MAGI2: variants seen among roughly 807,000 people sequenced by gnomAD.
MAGI2 encodes membrane associated guanylate kinase, WW and PDZ domain containing 2.
In MAGI2, 35 loss-of-function variants were observed where a neutral mutation model predicts 133.3. That is an observed-to-expected ratio of 0.26 (90% confidence interval 0.20 to 0.35). MAGI2 has a LOEUF of 0.35. MAGI2 is among the 10% of genes least tolerant of loss of function. The probability of loss-of-function intolerance (pLI) is 1.00; values close to 1 mark genes in which losing one functional copy is unlikely to be tolerated. For synonymous variants in MAGI2, 729 were observed against 710.6 expected (o/e 1.03, Z -0.41); for missense variants, 1,636 against 1,863.4 (o/e 0.88, Z 2.25).
intron 2 of MAGI2, among the ~76,000 whole-genome samples, chr7:78,661,045 G>A (rs1496785): frequency 1.3e-5 from 2 of 151,922 alleles, no homozygotes; most frequent in African/African-American, 4.8e-5. Flanking sequence ...TCTACTTCTT[G>A]GTATCACTCA....
At chr7:79,186,228 ATATATATATATATATTTATATTTATT>A (rs1827113382) in intron 1 of MAGI2, among the ~76,000 whole-genome samples, 1 of 114,428 alleles carries the variant, frequency 8.7e-6, no homozygotes, top group South Asian at 3.0e-4. Context: ...ATATATATAT[ATATATATATATATATTTATATTTATT>A]TATTTATAAA....
At chr7:78,438,845 A>G (rs572953716) in intron 6 of MAGI2, among the ~76,000 whole-genome samples, 1 of 152,306 alleles carries the variant, frequency 6.6e-6, no homozygotes, top group South Asian at 2.1e-4. Context: ...GGAAAATGGC[A>G]TAATTAACGG....
intron 6 of MAGI2, among the ~76,000 whole-genome samples, chr7:78,389,285 T>C (rs752400398): frequency 6.6e-6 from 1 of 152,108 alleles, no homozygotes; most frequent in Admixed American, 6.6e-5. Context: ...AGGCGCTCCA[T>C]GGGAGGCAAA....
intron 2 of MAGI2, among the ~76,000 whole-genome samples, chr7:78,700,162 T>C (rs1250414084): frequency 6.6e-6 from 1 of 152,190 alleles, no homozygotes. Flanking sequence ...ATGAGGTTGA[T>C]AGAACAGTTT....
intron 2 of MAGI2, among the ~76,000 whole-genome samples, chr7:78,955,528 T>C (rs1802228341): frequency 6.6e-6 from 1 of 152,116 alleles, no homozygotes; most frequent in Admixed American, 6.6e-5. Flanking sequence ...CCTTCTTTGG[T>C]GAAAACATCT....
intron 12 of MAGI2, among the ~76,000 whole-genome samples, chr7:78,186,319 C>T (rs1827692664): frequency 6.6e-6 from 1 of 152,112 alleles, no homozygotes; most frequent in South Asian, 2.1e-4. Flanking sequence ...ATTTAGAATT[C>T]TAGAACCTAG....
intron 2 of MAGI2, among the ~76,000 whole-genome samples, chr7:78,785,099 A>G (rs1826706010): frequency 6.6e-6 from 1 of 152,210 alleles, no homozygotes. Context: ...AAAATGAACA[A>G]AATTCAAACG....
chr7:79,013,830 C>G (rs1034300231), intron 1 of MAGI2, among the ~76,000 whole-genome samples: 2 of 152,118 alleles, frequency 1.3e-5, no homozygotes, highest in Non-Finnish European at 2.9e-5. Context: ...TAATAATTCC[C>G]AATTTGCCTA....
At chr7:78,421,812 C>A (rs113116196) in intron 6 of MAGI2, among the ~76,000 whole-genome samples, 1,691 of 152,130 alleles carry the variant, frequency 0.011, 32 homozygotes, top group African/African-American at 0.037. Flanking sequence ...CTCAAAACAA[C>A]AAAAACATAA....
At chr7:78,637,485 G>C (rs532507827) in intron 2 of MAGI2, among the ~76,000 whole-genome samples, 15 of 151,336 alleles carry the variant, frequency 9.9e-5, no homozygotes, top group African/African-American at 3.6e-4. Flanking sequence ...AAAAACTATG[G>C]TGGATGTCAA....
At chr7:78,324,220 A>C (rs978235827) in intron 9 of MAGI2, among the ~76,000 whole-genome samples, 2 of 117,018 alleles carry the variant, frequency 1.7e-5, no homozygotes, top group Non-Finnish European at 4.0e-5. Context: ...TACACTTTAG[A>C]AGCCTGACTG....
chr7:79,042,876 C>A (rs979892909), intron 1 of MAGI2, among the ~76,000 whole-genome samples: 3 of 152,064 alleles, frequency 2.0e-5, no homozygotes, highest in South Asian at 4.1e-4. Flanking sequence ...AAAACCATAT[C>A]AACCATGCTC....
chr7:78,644,973 G>A (rs1478668394), intron 2 of MAGI2, among the ~76,000 whole-genome samples: 4 of 152,010 alleles, frequency 2.6e-5, no homozygotes, highest in South Asian at 2.1e-4. Context: ...GGATATTAAT[G>A]GTATATTATA....
Position 78,075,376 on chromosome 7 carries a change from C to CTT in MAGI2, c.3706+3569_3706+3570dup, listed in dbSNP as rs34396344. ...TTTTCACTATATTGATGTAATAAAT[C>CTT]TTTTTTTTTTTTTTTTTTGAGACGG... On this transcript the variant is annotated intron_variant, in intron 21 of 21. Coordinates refer to ENST00000354212, the MANE Select transcript of MAGI2 (RefSeq NM_012301.4). Among the ~76,000 whole-genome samples the CTT allele has an allele frequency of 3.3e-3, 420 of 126,482 alleles. 10 individuals carry two copies. The highest frequency in any genetic ancestry group is 7.6e-3 in the African/African-American group (242 of 31,864). The allele number at this position is 126,482 out of a possible 152,430, so 83.0% of individuals were successfully genotyped here.
chr7:78,261,026 C>T (rs917955733), intron 9 of MAGI2, among the ~76,000 whole-genome samples: 23 of 152,156 alleles, frequency 1.5e-4, no homozygotes, highest in African/African-American at 5.5e-4. Flanking sequence ...GTCACTGTGG[C>T]CTACAGAATC....
rs75788845 is a variant in MAGI2 at position 78,096,229 on chromosome 7, T to C, written c.3568-17144A>G. Among the ~76,000 whole-genome samples the C allele has an allele frequency of 2.9e-3, 441 of 152,342 alleles. 1 individual carries two copies. Among genetic ancestry groups the C allele is most frequent in the African/African-American group, 0.01 (421 of 41,580 alleles). On this transcript the variant is annotated intron_variant, in intron 20 of 21. Transcript: ENST00000354212. ...GCAATGTTATTAAGAGCACGGGCTTTGGTGGAATCAGGAGTCCTTGGTTTG... is the reference window on the plus strand; with the variant it reads ...GCAATGTTATTAAGAGCACGGGCTTCGGTGGAATCAGGAGTCCTTGGTTTG...
chr7:78,897,855 G>C (rs1026157983), intron 2 of MAGI2, among the ~76,000 whole-genome samples: 3 of 152,094 alleles, frequency 2.0e-5, no homozygotes, highest in African/African-American at 7.2e-5. Flanking sequence ...ATTGACAAAC[G>C]AGATCTAATT....
At chr7:79,049,996 T>A (rs1812524624) in intron 1 of MAGI2, among the ~76,000 whole-genome samples, 1 of 152,218 alleles carries the variant, frequency 6.6e-6, no homozygotes, top group South Asian at 2.1e-4. Flanking sequence ...GTTCGCTGGC[T>A]GTTACTCAGG....
chr7:78,641,293 T>C (rs138746223), intron 2 of MAGI2, among the ~76,000 whole-genome samples: 2 of 152,328 alleles, frequency 1.3e-5, no homozygotes, highest in Non-Finnish European at 2.9e-5. Flanking sequence ...TATCTCCCCA[T>C]TTAGATCCAA....
Sources: allele counts gnomAD v4.1 joint callset (sites outside exome capture counted in the v4.1 genomes callset), GRCh38; gene constraint gnomAD v4.1.1; transcripts MANE v1.5; gene names NCBI Gene and HGNC (gene_info 2026-07-23, HGNC 2026-07-21).